Variants in FAM222A observed in about 807,000 individuals in gnomAD.
FAM222A encodes the protein family with sequence similarity 222 member A, also known as protein FAM222A.
A neutral mutation model predicts 25.8 loss-of-function variants in FAM222A; 7 were observed. The observed-to-expected ratio is 0.27, with a 90% CI of 0.15 to 0.51. The LOEUF is 0.51. Ranked by LOEUF, FAM222A falls within the 20% of genes least tolerant of loss-of-function variation. The pLI, the probability that FAM222A is intolerant of heterozygous loss-of-function variation, is 0.97. For synonymous variants in FAM222A, 294 were observed against 298.8 expected, an observed-to-expected ratio of 0.98 and a Z score of 0.17; for missense variants, 573 against 640.5, an observed-to-expected ratio of 0.89 and a Z score of 1.14.
intron 1 of FAM222A, among the ~76,000 whole-genome samples, chr12:109,720,654 G>A (rs879724513): frequency 4.6e-5 from 7 of 152,248 alleles, no homozygotes; most frequent in Admixed American, 2.0e-4. Context: ...TTATCCATCC[G>A]TTCATTCAGA....
At chr12:109,761,820 C>A (rs1209687238) in intron 2 of FAM222A, among the ~76,000 whole-genome samples, 2 of 152,138 alleles carry the variant, frequency 1.3e-5, no homozygotes, top group African/African-American at 4.8e-5. Context: ...GTAGGAAGAC[C>A]TGAGTCAGAT....
Position 109,769,043 on chromosome 12 carries a change from C to G in FAM222A, c.1114C>G (p.Leu372Val). The change falls in exon 3 of 3, where the codon CTG becomes GTG. Residue 372 changes from leucine to valine, a missense_variant. Leu to Val is a conservative substitution (Grantham distance 32). Around this residue, in one of 3 missense-constraint regions of FAM222A, gnomAD observed 412 missense variants for 407.0 expected, o/e 1.01. Transcript: ENST00000538780. ...AGCGGCGGCGGTGGTGGTCACGGAG[C>G]TGGGGCCGGGGGCAGCCCGGGAGCT... ...NPAAAVVVTE[L>V]GPGAARELAG... The G allele has an allele frequency of 5.0e-6, 8 of 1,586,664 alleles. No homozygotes were observed. Among genetic ancestry groups the G allele is most frequent in the Non-Finnish European group, 6.9e-6 (8 of 1,167,854 alleles).
intron 1 of FAM222A, among the ~76,000 whole-genome samples, chr12:109,727,735 C>A (rs947711100): frequency 6.6e-6 from 1 of 152,112 alleles, no homozygotes; most frequent in Non-Finnish European, 1.5e-5. Context: ...GCCCTGGGGT[C>A]CAGGTTTGCA....
intron 2 of FAM222A, among the ~76,000 whole-genome samples, chr12:109,747,507 C>G (rs1051174784): frequency 3.3e-5 from 5 of 152,174 alleles, no homozygotes; most frequent in African/African-American, 1.2e-4. Context: ...ATCAATTTAT[C>G]TAGGTCAAAA....
At chr12:109,723,672 G>C (rs138369097) in intron 1 of FAM222A, among the ~76,000 whole-genome samples, 1 of 152,222 alleles carries the variant, frequency 6.6e-6, no homozygotes, top group Non-Finnish European at 1.5e-5. Context: ...CGAAGGCTGG[G>C]GGATGCCCGG....
intron 2 of FAM222A, among the ~76,000 whole-genome samples, chr12:109,748,071 G>A (rs954914480): frequency 1.3e-5 from 2 of 152,032 alleles, no homozygotes; most frequent in African/African-American, 4.8e-5. Context: ...TTTTGTTGAG[G>A]ATTTTAAAAA....
chr12:109,746,283 G>GT (rs1888396828), intron 2 of FAM222A, among the ~76,000 whole-genome samples: 1 of 152,148 alleles, frequency 6.6e-6, no homozygotes, highest in Non-Finnish European at 1.5e-5. Context: ...GAGGTCAGGA[G>GT]TTTGAGACCA....
At chr12:109,738,782 T>C (rs1888154148) in intron 1 of FAM222A, among the ~76,000 whole-genome samples, 2 of 152,158 alleles carry the variant, frequency 1.3e-5, no homozygotes, top group South Asian at 4.1e-4. Context: ...GGATTAAGTT[T>C]GGAAACCAAA....
intron 1 of FAM222A, among the ~76,000 whole-genome samples, chr12:109,725,387 C>T (rs952441242): frequency 2.6e-5 from 4 of 152,064 alleles, no homozygotes; most frequent in Admixed American, 6.6e-5. Context: ...AGCCTCAGAG[C>T]CAGGCCAGCC....
At position 109,768,250 on chromosome 12, in the gene FAM222A, G is replaced by A; in HGVS notation, c.321G>A (p.Lys107=). The change falls in exon 3 of 3, where the codon AAG becomes AAA. Residue 107 remains lysine (K), a synonymous_variant. Coordinates refer to ENST00000538780, the MANE Select transcript of FAM222A (RefSeq NM_032829.3). ...ACCAGGGCCTTCTGGCCATTGTCAA[G>A]GCCGCGGTTTCCTCCTCCAGCACGG... is the stretch of plus-strand genomic sequence containing the variant. ...AGYQGLLAIV[K]AAVSSSSTAA... 6.2e-7 allele frequency: 1 copy of A among 1,609,576 alleles called. No individual in the cohort carries two copies. Among genetic ancestry groups the A allele is most frequent in the East Asian group, 2.2e-5 (1 of 44,578 alleles).
intron 2 of FAM222A, among the ~76,000 whole-genome samples, chr12:109,758,008 G>C (rs935624451): frequency 6.6e-6 from 1 of 152,176 alleles, no homozygotes; most frequent in Non-Finnish European, 1.5e-5. Flanking sequence ...TGAGGCACAT[G>C]GGAGCGTCAA....
intron 1 of FAM222A, among the ~76,000 whole-genome samples, chr12:109,736,562 G>A (rs1012801104): frequency 6.6e-6 from 1 of 152,102 alleles, no homozygotes; most frequent in African/African-American, 2.4e-5. Context: ...GCCAGGTAGG[G>A]TGACCCCAAC....
intron 1 of FAM222A, among the ~76,000 whole-genome samples, chr12:109,723,925 T>C (rs564118857): frequency 7.3e-5 from 11 of 150,990 alleles, no homozygotes; most frequent in African/African-American, 2.2e-4. Flanking sequence ...TGCCACCATA[T>C]GCAAAAGAGA....
intron 1 of FAM222A, among the ~76,000 whole-genome samples, chr12:109,724,403 A>G (rs1476109270): frequency 1.3e-5 from 2 of 152,074 alleles, no homozygotes; most frequent in African/African-American, 4.8e-5. Context: ...AAGAAATGCA[A>G]CTCCAGGAGG....
Position 109,730,022 on chromosome 12 carries a change from G to A in FAM222A, c.-46-14079G>A, listed in dbSNP as rs75059668. 6.6e-5 allele frequency among the ~76,000 whole-genome samples: 10 copies of A among 152,286 alleles called. No homozygotes were observed. The East Asian group carries it at 1.4e-3, about 21-fold the overall frequency. ...CCAAAGTCCCTGCCATGACCACCGC[G>A]CCTTCTCTGTGGCTCCTTCTTGCCT... On this transcript the variant is annotated intron_variant, in intron 1 of 2. Coordinates refer to ENST00000538780, the MANE Select transcript of FAM222A (RefSeq NM_032829.3).
intron 2 of FAM222A, among the ~76,000 whole-genome samples, chr12:109,762,485 G>T (rs904469486): frequency 6.6e-6 from 1 of 152,346 alleles, no homozygotes; most frequent in Admixed American, 6.5e-5. Flanking sequence ...TGATAGAATG[G>T]AGTCACGAAG....
intron 2 of FAM222A, 88 bp downstream of exon 2, chr12:109,744,316 C>T: frequency 6.7e-7 from 1 of 1,498,028 alleles, no homozygotes; most frequent in Non-Finnish European, 8.9e-7. Context: ...TACCATGGCC[C>T]TGTCGGAAAG....
At chr12:109,767,270 G>A (rs1392140446) in intron 2 of FAM222A, among the ~76,000 whole-genome samples, 4 of 151,864 alleles carry the variant, frequency 2.6e-5, no homozygotes, top group African/African-American at 9.7e-5. Context: ...GCTCATGCCT[G>A]TAATCCCAGC....
At chr12:109,738,372 T>G (rs946195875) in intron 1 of FAM222A, among the ~76,000 whole-genome samples, 18 of 152,186 alleles carry the variant, frequency 1.2e-4, no homozygotes, top group African/African-American at 4.3e-4. Flanking sequence ...AATCCAGCAT[T>G]CATTCTCTTC....
Sources: gnomAD v4.1 joint callset for allele counts (sites outside exome capture counted in the v4.1 genomes callset) on GRCh38, gnomAD v4.1.1 for gene constraint, gnomAD v4.1.1 regional missense constraint, MANE v1.5 for transcripts, NCBI Gene and HGNC (gene_info 2026-07-23, HGNC 2026-07-21) for gene names.